Variants in RGL2 observed in about 807,000 individuals in gnomAD.
RGL2 encodes ral guanine nucleotide dissociation stimulator like 2.
In RGL2, 40 loss-of-function variants were observed where a neutral mutation model predicts 84.6. The ratio of observed to expected loss-of-function variants is 0.47; its 90% CI spans 0.37 to 0.62. RGL2 has a LOEUF of 0.62. RGL2 is among the 20% of genes least tolerant of loss of function. The pLI is 0.00. For synonymous variants in RGL2, 369 were observed against 417.3 expected (o/e 0.88, Z 1.41); for missense variants, 865 against 1,019.7 (o/e 0.85, Z 2.07).
At position 33,294,323 on chromosome 6, in the gene RGL2, T is replaced by G. The variant is rs1366371627; in HGVS notation, c.1354-257A>C. 2.0e-5 allele frequency among the ~76,000 whole-genome samples: 3 copies of G among 152,074 alleles called. No individual in the cohort carries two copies. Among genetic ancestry groups the G allele is most frequent in the African/African-American group, 7.2e-5 (3 of 41,408 alleles). On this transcript the variant is annotated intron_variant, in intron 11 of 17. Coordinates refer to ENST00000497454, the MANE Select transcript of RGL2 (RefSeq NM_004761.5). The surrounding 1 kb of genome is among the most constrained non-coding windows in gnomAD (Gnocchi z 5.0). ...GATGAGAGGACTGGATAGTATCCAA[T>G]TCGACAGGATTCCTTATCCAGAGAG...
At position 33,294,593 on chromosome 6, in the gene RGL2, G is replaced by A; in HGVS notation, c.1353+95C>T. 1 of 1,343,336 alleles carries A rather than the reference G, an allele frequency of 7.4e-7. No individual in the cohort carries two copies. 83.2% of individuals were successfully genotyped at this position (1,343,336 alleles called of 1,614,324 possible). On this transcript the variant is annotated intron_variant, in intron 11 of 17. Transcript: ENST00000497454. This position sits in a 1 kb window ranked among gnomAD's most constrained non-coding sequence, Gnocchi z 5.0. ...GGCTCTGTCCCACACTCAGCTATTTGTGCCTTACAGCCCCTTGCAAGGGGC... is the reference window on the plus strand; with the variant it reads ...GGCTCTGTCCCACACTCAGCTATTTATGCCTTACAGCCCCTTGCAAGGGGC...
At position 33,294,821 on chromosome 6, in the gene RGL2, T is replaced by TC; in HGVS notation, c.1279-60dup. ...CATTGACGTGAGGGCCCTCCATCCC[T>TC]CCGCACTTGCCCTCCTCATTGCCTC... On this transcript the variant is annotated intron_variant, in intron 10 of 17. Coordinates refer to ENST00000497454, the MANE Select transcript of RGL2 (RefSeq NM_004761.5). The surrounding 1 kb of genome is among the most constrained non-coding windows in gnomAD (Gnocchi z 5.0). 1.3e-6 allele frequency: 2 copies of TC among 1,568,612 alleles called. No individual in the cohort carries two copies. Among genetic ancestry groups the TC allele is most frequent in the Non-Finnish European group, 1.7e-6 (2 of 1,145,714 alleles).
At position 33,293,569 on chromosome 6, in the gene RGL2, C is replaced by G. The variant is rs1476285352; in HGVS notation, c.1604+35G>C. 5 of 1,612,544 alleles carry G rather than the reference C, an allele frequency of 3.1e-6. No homozygotes were observed. The highest frequency in any genetic ancestry group is 4.2e-6 in the Non-Finnish European group (5 of 1,179,084). On this transcript the variant is annotated intron_variant, in intron 14 of 17. Transcript: ENST00000497454. This position sits in a 1 kb window ranked among gnomAD's most constrained non-coding sequence, Gnocchi z 7.0. ...GGAGGATCAGAGAAAAGTGGAAGTC[C>G]CAAGAAACCACCCCCCAGCCAGTGA... is the stretch of plus-strand genomic sequence containing the variant.
Position 33,291,987 on chromosome 6 carries a change from G to T in RGL2, c.*115C>A. The T allele has an allele frequency of 1.8e-6, 2 of 1,122,798 alleles. No homozygotes were observed. The highest frequency in any genetic ancestry group is 2.6e-6 in the Non-Finnish European group (2 of 763,924). 69.6% of individuals were successfully genotyped at this position (1,122,798 alleles called of 1,614,324 possible). On this transcript the variant is annotated 3_prime_UTR_variant, in exon 18 of 18. Transcript: ENST00000497454. Reference sequence around the variant, plus strand: ...CAGTGGCACTTCACTGCCCCAGGGTGGCTGGCTCCCTTTCTGAATTTCTGT... The same window carrying T: ...CAGTGGCACTTCACTGCCCCAGGGTTGCTGGCTCCCTTTCTGAATTTCTGT...
At position 33,292,479 on chromosome 6, in the gene RGL2, A is replaced by C. The variant is rs149905861; in HGVS notation, c.2073T>G (p.Ser691=). 9 of 1,614,176 alleles carry C rather than the reference A, an allele frequency of 5.6e-6. No individual in the cohort carries two copies. Among genetic ancestry groups the C allele is most frequent in the Non-Finnish European group, 6.8e-6 (8 of 1,180,022 alleles). ...CCAGCTCATACTCTGAAGCCACTGCAGAGTCACGATTGTTTTTCTTAAGGA... is the reference window on the plus strand; with the variant it reads ...CCAGCTCATACTCTGAAGCCACTGCCGAGTCACGATTGTTTTTCTTAAGGA... ...SRVLKKNNRD[S]AVASEYELVQ... The change falls in exon 17 of 18, where the codon TCT becomes TCG. Residue 691 remains serine, a synonymous_variant. Transcript: ENST00000497454.
In RGL2 at chr6:33,293,201, G is replaced by GGGA; in HGVS notation, c.1819_1821dup (p.Ser607dup). 6.3e-7 allele frequency: 1 copy of GGGA among 1,579,944 alleles called. No homozygotes were observed. The highest frequency in any genetic ancestry group is 8.6e-7 in the Non-Finnish European group (1 of 1,164,638). On this transcript the variant is annotated inframe_insertion, in exon 16 of 18. Coordinates refer to ENST00000497454, the MANE Select transcript of RGL2 (RefSeq NM_004761.5). This position sits in a 1 kb window ranked among gnomAD's most constrained non-coding sequence, Gnocchi z 7.0. ...CGGCGGTGACCTCGAGAAGGCCTAGGGGAGGAGGCTGGTGGGGAGAGGTGG... is the reference window on the plus strand; with the variant it reads ...CGGCGGTGACCTCGAGAAGGCCTAGGGGAGGAGGAGGCTGGTGGGGAGAGGTGG...
intron 16 of RGL2, among the ~76,000 whole-genome samples, chr6:33,292,785 A>T (rs1418479819): frequency 6.6e-6 from 1 of 152,244 alleles, no homozygotes; most frequent in Non-Finnish European, 1.5e-5. Flanking sequence ...GGCGACCAAA[A>T]GTTTAAGGTG....
chr6:33,292,481 A>G lies in RGL2; in HGVS notation c.2071T>C (p.Ser691Pro). Residue 691 changes from serine to proline, a missense_variant, in exon 17 of 18, where the codon TCT (serine) becomes CCT (proline). Physicochemically the swap from Ser to Pro is moderately conservative, Grantham distance 74 (BLOSUM62 -1). This residue lies in a region of RGL2 where 302 missense variants were observed against 327.9 expected (regional missense o/e 0.92). Coordinates refer to ENST00000497454, the MANE Select transcript of RGL2 (RefSeq NM_004761.5). ...SRVLKKNNRDSAVASEYELVQ... is the reference protein window; with the variant it reads ...SRVLKKNNRDPAVASEYELVQ... ...AGCTCATACTCTGAAGCCACTGCAG[A>G]GTCACGATTGTTTTTCTTAAGGACA... 1.5e-5 allele frequency: 25 copies of G among 1,614,136 alleles called. No individual in the cohort carries two copies. Among genetic ancestry groups the G allele is most frequent in the Non-Finnish European group, 2.1e-5 (25 of 1,180,018 alleles).
Position 33,294,979 on chromosome 6 carries a change from C to A in RGL2, c.1276G>T (p.Gly426Trp). The A allele has an allele frequency of 1.3e-6, 2 of 1,575,140 alleles. No homozygotes were observed. The highest frequency in any genetic ancestry group is 2.3e-5 in the East Asian group (1 of 42,672). Residue 426 changes from glycine (G) to tryptophan (W), a missense_variant and splice_region_variant, in exon 10 of 18, where the codon GGG becomes TGG. By Grantham distance (184) the Gly-to-Trp change is radical. Transcript: ENST00000497454. The surrounding 1 kb of genome is among the most constrained non-coding windows in gnomAD (Gnocchi z 5.0). Reference sequence around the variant, plus strand: ...CCACCACCCCGCTAGTCACTCACCCCACCCCGGGAGCCAGACCTCGGGGCC... The same window carrying A: ...CCACCACCCCGCTAGTCACTCACCCAACCCCGGGAGCCAGACCTCGGGGCC... Reference protein sequence around the residue: ...KKAPRSGSRGGGVVPYLGTFL... With the variant: ...KKAPRSGSRGWGVVPYLGTFL...
Position 33,292,144 on chromosome 6 carries a change from C to T in RGL2, c.2292G>A (p.Arg764=). 6.2e-7 allele frequency: 1 copy of T among 1,614,190 alleles called. No homozygotes were observed. Among genetic ancestry groups the T allele is most frequent in the East Asian group, 2.2e-5 (1 of 44,882 alleles). ...CAATCTTCCTCCCTGTGGCCTTGAT[C>T]CTGGGAAAGGAGCCCCCTCCTCCCT... ...PSEGGGGSFP[R]IKATGRKIAR... The change falls in exon 18 of 18, where the codon AGG becomes AGA. Residue 764 remains arginine (R), a synonymous_variant. Coordinates refer to ENST00000497454, the MANE Select transcript of RGL2 (RefSeq NM_004761.5).
rs200371165 is a variant in RGL2, at chr6:33,292,994, C to T, written c.2007+22G>A. ...AACAAGACACCATCCTTCACCCCAA[C>T]TCCATCCCAAGGCTCCCTCACCAAA... is the stretch of plus-strand genomic sequence containing the variant. On this transcript the variant is annotated intron_variant, in intron 16 of 17. Coordinates refer to ENST00000497454, the MANE Select transcript of RGL2 (RefSeq NM_004761.5). 45 of 1,614,078 alleles carry T rather than the reference C, an allele frequency of 2.8e-5. 1 individual carries two copies. The Admixed American group carries it at 5.3e-4, about 19-fold the overall frequency.
chr6:33,294,982 C>G lies in RGL2; in HGVS notation c.1273G>C (p.Gly425Arg). 1 of 1,577,060 alleles carries G rather than the reference C, an allele frequency of 6.3e-7. No homozygotes were observed. The highest frequency in any genetic ancestry group is 8.6e-7 in the Non-Finnish European group (1 of 1,161,212). ...SKKAPRSGSR[G>R]GGVVPYLGTF... ...CCACCCCGCTAGTCACTCACCCCAC[C>G]CCGGGAGCCAGACCTCGGGGCCTTC... Residue 425 changes from glycine to arginine, a missense_variant, in exon 10 of 18, where the codon GGT (glycine) becomes CGT (arginine). Physicochemically the swap from Gly to Arg is moderately radical, Grantham distance 125. This residue lies in a region of RGL2 where 455 missense variants were observed against 507.8 expected (regional missense o/e 0.90). Transcript: ENST00000497454. The surrounding 1 kb of genome is among the most constrained non-coding windows in gnomAD (Gnocchi z 5.0).
At chr6:33,292,975 A>G in intron 16 of RGL2, 41 bp downstream of exon 16, 1 of 1,612,234 alleles carries the variant, frequency 6.2e-7, no homozygotes, top group South Asian at 1.1e-5. Context: ...GTCCAACAAG[A>G]CACCATCCTT....
In RGL2 at chr6:33,298,803, C is replaced by A; in HGVS notation, c.-42+67G>T. 1 of 465,016 alleles carries A rather than the reference C, an allele frequency of 2.2e-6. No individual in the cohort carries two copies. 28.8% of individuals were successfully genotyped at this position (465,016 alleles called of 1,614,324 possible). A position where few individuals can be genotyped will look rare whatever the true frequency, so the allele number is the denominator to read the frequency against. ...GCAACAGAAGGGTGGAATAGGGGGG[C>A]CCTTGGTGCTGTTGGGGAAGGAGGA... is the stretch of plus-strand genomic sequence containing the variant. On this transcript the variant is annotated intron_variant, in intron 1 of 17. Coordinates refer to ENST00000497454, the MANE Select transcript of RGL2 (RefSeq NM_004761.5). This position sits in a 1 kb window ranked among gnomAD's most constrained non-coding sequence, Gnocchi z 4.8.
At position 33,298,815 on chromosome 6, in the gene RGL2, T is replaced by C. The variant is rs1220994565; in HGVS notation, c.-42+55A>G. 4.6e-6 allele frequency: 2 copies of C among 430,358 alleles called. No individual in the cohort carries two copies. Among genetic ancestry groups the C allele is most frequent in the Non-Finnish European group, 4.1e-6 (1 of 243,934 alleles). 26.7% of individuals were successfully genotyped at this position (430,358 alleles called of 1,614,324 possible). A position where few individuals can be genotyped will look rare whatever the true frequency, so the allele number is the denominator to read the frequency against. On this transcript the variant is annotated intron_variant, in intron 1 of 17. Coordinates refer to ENST00000497454, the MANE Select transcript of RGL2 (RefSeq NM_004761.5). The surrounding 1 kb of genome is among the most constrained non-coding windows in gnomAD (Gnocchi z 4.8). ...TGGAATAGGGGGGCCCTTGGTGCTGTTGGGGAAGGAGGAGGTCACGAGTAC... is the reference window on the plus strand; with the variant it reads ...TGGAATAGGGGGGCCCTTGGTGCTGCTGGGGAAGGAGGAGGTCACGAGTAC...
chr6:33,294,578 C>T lies in RGL2; in HGVS notation c.1353+110G>A, dbSNP rs960211674. On this transcript the variant is annotated intron_variant, in intron 11 of 17. Coordinates refer to ENST00000497454, the MANE Select transcript of RGL2 (RefSeq NM_004761.5). This position sits in a 1 kb window ranked among gnomAD's most constrained non-coding sequence, Gnocchi z 5.0. ...CACAGAAACAGATCTGGCTCTGTCC[C>T]ACACTCAGCTATTTGTGCCTTACAG... 2.5e-6 allele frequency: 3 copies of T among 1,184,622 alleles called. No homozygotes were observed. The highest frequency in any genetic ancestry group is 3.7e-6 in the Non-Finnish European group (3 of 821,378). The allele number at this position is 1,184,622 out of a possible 1,614,324, so 73.4% of individuals were successfully genotyped here.
In RGL2 at chr6:33,293,250, G is replaced by A. The variant is rs752720567; in HGVS notation, c.1773C>T (p.Ser591=). 2 of 1,550,650 alleles carry A rather than the reference G, an allele frequency of 1.3e-6. No individual in the cohort carries two copies. The highest frequency in any genetic ancestry group is 3.9e-5 in the Admixed American group (2 of 50,972). ...SLDSALESSP[S]LHSPADPSHL... ...GGCTGGGGTCAGCTGGACTGTGCAGGGATGGACTGCTTTCCAAGGCAGAGT... is the reference window on the plus strand; with the variant it reads ...GGCTGGGGTCAGCTGGACTGTGCAGAGATGGACTGCTTTCCAAGGCAGAGT... The change falls in exon 16 of 18, where the codon TCC becomes TCT. Residue 591 remains serine, a synonymous_variant. Coordinates refer to ENST00000497454, the MANE Select transcript of RGL2 (RefSeq NM_004761.5). The surrounding 1 kb of genome is among the most constrained non-coding windows in gnomAD (Gnocchi z 7.0).
rs1175874203 is a variant in RGL2, at chr6:33,297,640, G to C, written c.157-525C>G. The C allele has an allele frequency of 1.3e-5, 2 of 153,800 alleles. No homozygotes were observed. Among genetic ancestry groups the C allele is most frequent in the African/African-American group, 4.8e-5 (2 of 41,454 alleles). 9.5% of individuals were successfully genotyped at this position (153,800 alleles called of 1,614,324 possible). A position where few individuals can be genotyped will look rare whatever the true frequency, so the allele number is the denominator to read the frequency against. The stretch of plus-strand genomic sequence containing the variant: ...GCGCCTCCACTATCTCAGCCCTAAG[G>C]GACCCCCGAAGGTAGCAGCTCCAAT... On this transcript the variant is annotated intron_variant, in intron 2 of 17. Coordinates refer to ENST00000497454, the MANE Select transcript of RGL2 (RefSeq NM_004761.5). This position sits in a 1 kb window ranked among gnomAD's most constrained non-coding sequence, Gnocchi z 4.0.
chr6:33,296,165 G>T lies in RGL2; in HGVS notation c.631C>A (p.Leu211Ile). The change falls in exon 6 of 18, where the codon CTC becomes ATC. Residue 211 changes from leucine to isoleucine, a missense_variant. By Grantham distance (5) the Leu-to-Ile change is conservative. Transcript: ENST00000497454. The surrounding 1 kb of genome is among the most constrained non-coding windows in gnomAD (Gnocchi z 5.0). Reference sequence around the variant, plus strand: ...GCCTGGGGGTCCACCCGGGACCGGAGATTGCGGATGAGGTCAGCGCTGCCC... The same window carrying T: ...GCCTGGGGGTCCACCCGGGACCGGATATTGCGGATGAGGTCAGCGCTGCCC... ...GGGSADLIRN[L>I]RSRVDPQAPD... 6.2e-7 allele frequency: 1 copy of T among 1,613,988 alleles called. No individual in the cohort carries two copies. The highest frequency in any genetic ancestry group is 8.5e-7 in the Non-Finnish European group (1 of 1,179,984).
Sources: gnomAD v4.1 joint callset for allele counts (sites outside exome capture counted in the v4.1 genomes callset) on GRCh38, gnomAD v4.1.1 for gene constraint, gnomAD v4.1.1 regional missense constraint, Gnocchi (gnomAD v3.1) non-coding constraint, MANE v1.5 for transcripts, NCBI Gene and HGNC (gene_info 2026-07-23, HGNC 2026-07-21) for gene names.